Variants in ABCB7 observed in about 807,000 individuals in gnomAD.
ABCB7 encodes iron-sulfur clusters transporter ABCB7, mitochondrial.
Under a neutral mutation model 54.4 loss-of-function variants are expected in ABCB7, and 7 were observed. The ratio of observed to expected loss-of-function variants is 0.13; its 90% confidence interval spans 0.07 to 0.24. The LOEUF is 0.24. ABCB7 is among the 10% of genes least tolerant of loss of function. ABCB7 has a pLI of 1.00. For synonymous variants in ABCB7, 218 were observed against 207.1 expected, an observed-to-expected ratio of 1.05 and a Z score of -0.45; for missense variants, 356 against 570.4, an observed-to-expected ratio of 0.62 and a Z score of 3.83.
chrX:75,088,077 C>T (rs909535271), intron 4 of ABCB7, among the ~76,000 whole-genome samples: 2 of 111,759 alleles, frequency 1.8e-5, no homozygotes, highest in African/African-American at 6.5e-5. Flanking sequence ...GAACCTGATT[C>T]ATTAAAATTT....
intron 1 of ABCB7, among the ~76,000 whole-genome samples, chrX:75,131,486 C>T (rs1230601496): frequency 9.0e-6 from 1 of 110,874 alleles, no homozygotes; most frequent in African/African-American, 3.3e-5. Context: ...TTTTTAACTT[C>T]CCAAATTCTC....
At chrX:75,120,699 G>A (rs935610979) in intron 1 of ABCB7, among the ~76,000 whole-genome samples, 1 of 111,584 alleles carries the variant, frequency 9.0e-6, no homozygotes, top group African/African-American at 3.3e-5. Context: ...TGACTGGAAT[G>A]GCATGCTTTC....
At position 75,066,266 on chromosome X, in the gene ABCB7, T is replaced by C. The variant is rs139503995; in HGVS notation, c.1660-1025A>G. ...CTCCATTTGTTCACATTAACCAGGATACCCATCTTCTTTAACATCATAATC... is the reference window on the plus strand; with the variant it reads ...CTCCATTTGTTCACATTAACCAGGACACCCATCTTCTTTAACATCATAATC... On this transcript the variant is annotated intron_variant, in intron 12 of 15. Transcript: ENST00000373394. Among the ~76,000 whole-genome samples, 85 of 111,427 alleles carry C rather than the reference T, an allele frequency of 7.6e-4. No individual in the cohort carries two copies. In the East Asian group the frequency reaches 0.021, roughly 28 times the overall value.
intron 1 of ABCB7, among the ~76,000 whole-genome samples, chrX:75,142,116 A>G (rs2082058370): frequency 9.0e-6 from 1 of 111,287 alleles, no homozygotes; most frequent in African/African-American, 3.3e-5. Flanking sequence ...AAACAGAAAA[A>G]CAGACAGTTG....
At chrX:75,061,057 G>T (rs1012839351) in intron 14 of ABCB7, among the ~76,000 whole-genome samples, 2 of 111,378 alleles carry the variant, frequency 1.8e-5, no homozygotes, top group African/African-American at 6.5e-5. Context: ...ATTTATTAAA[G>T]GAATAAAATT....
At chrX:75,122,902 T>C (rs1372443608) in intron 1 of ABCB7, among the ~76,000 whole-genome samples, 1 of 68,450 alleles carries the variant, frequency 1.5e-5, no homozygotes, top group African/African-American at 5.2e-5. Context: ...GTGTAAGTTG[T>C]GTGAGTTCCT....
chrX:75,067,180 C>T (rs945805826), intron 12 of ABCB7, among the ~76,000 whole-genome samples: 4 of 111,821 alleles, frequency 3.6e-5, no homozygotes, highest in African/African-American at 1.3e-4. Context: ...CTTGCCCAAA[C>T]TGGATATTAG....
In ABCB7 at chrX:75,105,792, C is replaced by G. The variant is rs1048011320; in HGVS notation, c.334-6731G>C. On this transcript the variant is annotated intron_variant, in intron 3 of 15. Coordinates refer to ENST00000373394, the MANE Select transcript of ABCB7 (RefSeq NM_001271696.3). Reference sequence around the variant, plus strand: ...GCTACAATAACCAAAACAGCCTGTACTGGTATAAAAATACACACATAAATC... The same window carrying G: ...GCTACAATAACCAAAACAGCCTGTAGTGGTATAAAAATACACACATAAATC... 3.6e-5 allele frequency among the ~76,000 whole-genome samples: 4 copies of G among 111,847 alleles called. No individual in the cohort carries two copies. The Admixed American group carries it at 3.8e-4, about 11-fold the overall frequency.
chrX:75,151,376 T>C (rs1318134964), intron 1 of ABCB7, among the ~76,000 whole-genome samples: 2 of 111,517 alleles, frequency 1.8e-5, no homozygotes, highest in African/African-American at 6.5e-5. Context: ...CACCACCCCT[T>C]AGAATCTATT....
intron 8 of ABCB7, among the ~76,000 whole-genome samples, chrX:75,073,322 T>C (rs1342888252): frequency 8.9e-6 from 1 of 111,844 alleles, no homozygotes; most frequent in Non-Finnish European, 1.9e-5. Flanking sequence ...ACATGAGTAA[T>C]AGAGTAATGA....
intron 13 of ABCB7, among the ~76,000 whole-genome samples, chrX:75,062,947 CA>C (rs1390478868): frequency 9.0e-6 from 1 of 111,389 alleles, no homozygotes. Flanking sequence ...ATTATTTTCA[CA>C]GCATTCTTCA....
At chrX:75,089,315 A>C (rs1054929444) in intron 4 of ABCB7, among the ~76,000 whole-genome samples, 1 of 112,043 alleles carries the variant, frequency 8.9e-6, no homozygotes, top group African/African-American at 3.2e-5. Flanking sequence ...TTCTTAATTC[A>C]TCTAACAGAT....
At chrX:75,142,562 T>C (rs150970813) in intron 1 of ABCB7, among the ~76,000 whole-genome samples, 345 of 111,959 alleles carry the variant, frequency 3.1e-3, no homozygotes, top group African/African-American at 0.011. Flanking sequence ...GTTTGCATAC[T>C]TTCAAAGAAT....
chrX:75,093,449 G>A (rs1436174414), intron 4 of ABCB7, among the ~76,000 whole-genome samples: 2 of 110,876 alleles, frequency 1.8e-5, no homozygotes, highest in African/African-American at 6.6e-5. Flanking sequence ...GGATCACATG[G>A]GATTTTGGGG....
At chrX:75,101,714 T>C (rs2081641295) in intron 3 of ABCB7, among the ~76,000 whole-genome samples, 2 of 111,803 alleles carry the variant, frequency 1.8e-5, no homozygotes, top group African/African-American at 6.5e-5. Context: ...TTACTTTTCT[T>C]GATGGAATAA....
rs1280493542 is a variant in ABCB7 at position 75,053,050 on chromosome X, G to T, written c.*320C>A. Reference sequence around the variant, plus strand: ...AAAGGTTTTAAAAACTATAAAAATTGGGAAACCAATCTGATTCATCTGGCT... The same window carrying T: ...AAAGGTTTTAAAAACTATAAAAATTTGGAAACCAATCTGATTCATCTGGCT... On this transcript the variant is annotated 3_prime_UTR_variant, in exon 16 of 16. Coordinates refer to ENST00000373394, the MANE Select transcript of ABCB7 (RefSeq NM_001271696.3). The T allele has an allele frequency of 4.1e-6, 1 of 241,712 alleles. No homozygotes were observed. The highest frequency in any genetic ancestry group is 2.9e-5 in the African/African-American group (1 of 35,003). The allele number at this position is 241,712 out of a possible 1,213,427, so 19.9% of individuals were successfully genotyped here.
At chrX:75,137,593 A>G (rs779109484) in intron 1 of ABCB7, among the ~76,000 whole-genome samples, 16 of 112,318 alleles carry the variant, frequency 1.4e-4, no homozygotes, top group African/African-American at 5.2e-4. Context: ...TGTTTGTGGC[A>G]GCACTATTCA....
At chrX:75,114,883 T>C (rs748356308) in intron 1 of ABCB7, 52 bp from the exon 2 acceptor site, 1 of 949,474 alleles carries the variant, frequency 1.1e-6, no homozygotes, top group Non-Finnish European at 1.5e-6. Context: ...ACACTTAATA[T>C]TCAAAGATTA....
chrX:75,103,944 T>A (rs990226021), intron 3 of ABCB7, among the ~76,000 whole-genome samples: 1 of 108,814 alleles, frequency 9.2e-6, no homozygotes, highest in Non-Finnish European at 1.9e-5. Context: ...CTTTCCCAAT[T>A]TGGATGTCTT....
Sources: gnomAD v4.1 joint callset for allele counts (sites outside exome capture counted in the v4.1 genomes callset) on GRCh38, gnomAD v4.1.1 for gene constraint, MANE v1.5 for transcripts, NCBI Gene and HGNC (gene_info 2026-07-23, HGNC 2026-07-21) for gene names.